The following CNNM2 variants were observed in gnomAD, a reference collection of about 807,000 sequenced individuals.
CNNM2 encodes metal transporter CNNM2.
CNNM2 carries 12 observed loss-of-function variants against 66.9 expected under a neutral mutation model. That is an observed-to-expected ratio of 0.18 (90% CI 0.11 to 0.29). The LOEUF is 0.29. Among genes scored for constraint, CNNM2 ranks in the 10% least tolerant of loss-of-function variants. CNNM2 has a pLI of 1.00. For synonymous variants in CNNM2, 557 were observed against 501.8 expected (o/e 1.11, Z -1.47); for missense variants, 705 against 1,167.7 (o/e 0.60, Z 5.77).
intron 1 of CNNM2, among the ~76,000 whole-genome samples, chr10:102,921,344 A>G (rs1292373901): frequency 6.6e-6 from 1 of 152,202 alleles, no homozygotes; most frequent in East Asian, 1.9e-4. Flanking sequence ...GAAAAAGGTG[A>G]TATGTACCTG....
chr10:102,977,677 C>T (rs1009607287), intron 1 of CNNM2, among the ~76,000 whole-genome samples: 5 of 152,160 alleles, frequency 3.3e-5, no homozygotes, highest in Admixed American at 1.3e-4. Context: ...AAAAATTAGC[C>T]GAGTGTGGTG....
intron 1 of CNNM2, among the ~76,000 whole-genome samples, chr10:103,020,736 TC>T (rs1385164070): frequency 6.6e-6 from 1 of 151,930 alleles, no homozygotes; most frequent in Non-Finnish European, 1.5e-5. Flanking sequence ...GAGTTGAGGG[TC>T]TGATTAGAAT....
At chr10:102,980,470 A>G (rs2063703361) in intron 1 of CNNM2, among the ~76,000 whole-genome samples, 1 of 151,600 alleles carries the variant, frequency 6.6e-6, no homozygotes, top group South Asian at 2.1e-4. Context: ...GGGTCTCGCC[A>G]TGTTATCCAA....
In CNNM2 at chr10:103,076,313, T is replaced by C; in HGVS notation, c.2418+43T>C. ...AGTGTGGCTGGACCTGGCAGTTAGT[T>C]GTCAACTTCCCTGGCAAATTGTCTG... On this transcript the variant is annotated intron_variant, in intron 7 of 7. Transcript: ENST00000369878. 3 of 1,537,954 alleles carry C rather than the reference T, an allele frequency of 2.0e-6. No homozygotes were observed. The highest frequency in any genetic ancestry group is 2.6e-6 in the Non-Finnish European group (3 of 1,135,636).
At position 103,071,889 on chromosome 10, in the gene CNNM2, C is replaced by T. The variant is rs186677761; in HGVS notation, c.2233+50C>T. On this transcript the variant is annotated intron_variant, in intron 6 of 7. Transcript: ENST00000369878. ...TAATTCTCCTGATTGCCTTCCTTGCCCCCCATCACGCCTGGCTGGCTGGGT... is the reference window on the plus strand; with the variant it reads ...TAATTCTCCTGATTGCCTTCCTTGCTCCCCATCACGCCTGGCTGGCTGGGT... 85 of 1,536,496 alleles carry T rather than the reference C, an allele frequency of 5.5e-5. No homozygotes were observed. The East Asian group carries it at 1.8e-3, about 32-fold the overall frequency.
At chr10:102,999,516 GAAATT>G (rs1225636934) in intron 1 of CNNM2, among the ~76,000 whole-genome samples, 3 of 152,032 alleles carry the variant, frequency 2.0e-5, no homozygotes, top group African/African-American at 4.8e-5. Flanking sequence ...AACATTAAAA[GAAATT>G]AAAGACTCAA....
intron 1 of CNNM2, among the ~76,000 whole-genome samples, chr10:103,018,003 C>T (rs928329443): frequency 1.4e-5 from 2 of 146,578 alleles, no homozygotes; most frequent in South Asian, 2.1e-4. Flanking sequence ...AGGCCAAAAT[C>T]GGTGGGCTGT....
At chr10:103,029,645 G>A (rs577503067) in intron 1 of CNNM2, among the ~76,000 whole-genome samples, 1 of 151,596 alleles carries the variant, frequency 6.6e-6, no homozygotes, top group African/African-American at 2.4e-5. Flanking sequence ...GGTGGATCAC[G>A]AGGTTCAGGA....
At chr10:102,935,766 G>GC (rs1846215776) in intron 1 of CNNM2, among the ~76,000 whole-genome samples, 1 of 140,746 alleles carries the variant, frequency 7.1e-6, no homozygotes, top group Admixed American at 7.2e-5. Flanking sequence ...ACACTCCACT[G>GC]CACCTGGCTT....
In CNNM2 at chr10:103,086,618, A is replaced by G. The variant is rs927044000; in HGVS notation, c.*9438A>G. On this transcript the variant is annotated 3_prime_UTR_variant, in exon 8 of 8. Coordinates refer to ENST00000369878, the MANE Select transcript of CNNM2 (RefSeq NM_017649.5). Reference sequence around the variant, plus strand: ...ACCTAAACATGGACAAAATACTTCTAAATCTGACATGCAACTGCATGTGGC... The same window carrying G: ...ACCTAAACATGGACAAAATACTTCTGAATCTGACATGCAACTGCATGTGGC... 7 of 152,244 alleles carry G rather than the reference A, an allele frequency of 4.6e-5. No individual in the cohort carries two copies. 9.4% of individuals were successfully genotyped at this position (152,244 alleles called of 1,614,324 possible).
intron 1 of CNNM2, among the ~76,000 whole-genome samples, chr10:102,926,772 G>A (rs997571766): frequency 6.9e-6 from 1 of 145,192 alleles, no homozygotes; most frequent in Admixed American, 7.1e-5. Flanking sequence ...CTGGAGTGCA[G>A]TGGCACGATA....
chr10:102,985,856 G>A (rs1051050645), intron 1 of CNNM2, among the ~76,000 whole-genome samples: 2 of 152,328 alleles, frequency 1.3e-5, no homozygotes, highest in African/African-American at 2.4e-5. Context: ...ACTGAGGAGT[G>A]ATGTCTCCTA....
intron 1 of CNNM2, among the ~76,000 whole-genome samples, chr10:102,965,267 A>G (rs1216995776): frequency 6.6e-6 from 1 of 152,214 alleles, no homozygotes; most frequent in Non-Finnish European, 1.5e-5. Context: ...AAGGATCAGC[A>G]GTTAACAATG....
In CNNM2 at chr10:103,087,294, C is replaced by T. The variant is rs1319520396; in HGVS notation, c.*10114C>T. On this transcript the variant is annotated 3_prime_UTR_variant, in exon 8 of 8. Coordinates refer to ENST00000369878, the MANE Select transcript of CNNM2 (RefSeq NM_017649.5). The stretch of plus-strand genomic sequence containing the variant: ...CTGCCTACCCATGGACCATTGACTT[C>T]CCAGCACACTCTTAAGAATAATATA... 6.6e-6 allele frequency: 1 copy of T among 151,810 alleles called. No homozygotes were observed. Among genetic ancestry groups the T allele is most frequent in the Non-Finnish European group, 1.5e-5 (1 of 67,984 alleles). The allele number at this position is 151,810 out of a possible 1,614,324, so 9.4% of individuals were successfully genotyped here. A position where few individuals can be genotyped will look rare whatever the true frequency, so the allele number is the denominator to read the frequency against.
At chr10:102,927,036 T>C (rs1015653447) in intron 1 of CNNM2, among the ~76,000 whole-genome samples, 1 of 150,874 alleles carries the variant, frequency 6.6e-6, no homozygotes, top group Non-Finnish European at 1.5e-5. Context: ...TTATTTTCAA[T>C]ATAAAATTTT....
chr10:102,949,904 G>C (rs1371641783), intron 1 of CNNM2, among the ~76,000 whole-genome samples: 1 of 152,164 alleles, frequency 6.6e-6, no homozygotes, highest in East Asian at 1.9e-4. Context: ...AAGCTTATCA[G>C]TAAAGTCACA....
intron 1 of CNNM2, among the ~76,000 whole-genome samples, chr10:102,966,128 C>T (rs2063460138): frequency 6.6e-6 from 1 of 152,122 alleles, no homozygotes; most frequent in African/African-American, 2.4e-5. Flanking sequence ...GTCAAATTTG[C>T]TTGTGCTCAG....
At chr10:102,966,088 C>G (rs376275527) in intron 1 of CNNM2, among the ~76,000 whole-genome samples, 2 of 152,200 alleles carry the variant, frequency 1.3e-5, no homozygotes, top group African/African-American at 4.8e-5. Context: ...GTTCCACTGT[C>G]TTTTCCACTT....
At chr10:103,055,184 T>G (rs753662034) in intron 3 of CNNM2, among the ~76,000 whole-genome samples, 14 of 152,166 alleles carry the variant, frequency 9.2e-5, no homozygotes, top group Non-Finnish European at 2.1e-4. Context: ...CCAGATGCTC[T>G]CCAGGGTTGA....
Sources: gnomAD v4.1 joint callset for allele counts (sites outside exome capture counted in the v4.1 genomes callset) on GRCh38, gnomAD v4.1.1 for gene constraint, MANE v1.5 for transcripts, NCBI Gene and HGNC (gene_info 2026-07-23, HGNC 2026-07-21) for gene names.